PRH1: variants seen among roughly 807,000 people sequenced by gnomAD.
PRH1 encodes proline rich protein HaeIII subfamily 1.
A neutral mutation model predicts 7.9 loss-of-function variants in PRH1; 7 were observed. The observed-to-expected ratio is 0.89, with a 90% CI of 0.50 to 1.67. The LOEUF is 1.67. Among genes scored for constraint, PRH1 ranks in the 40% most tolerant of loss-of-function variants. The pLI, the probability that PRH1 is intolerant of heterozygous loss-of-function variation, is 0.00. For missense variants in PRH1, 109 were observed against 223.6 expected (o/e 0.49, Z 3.27); for synonymous variants, 45 against 80.8 (o/e 0.56, Z 2.38).
At chr12:10,881,738 G>A (rs1949403836) in intron 3 of PRH1, among the ~76,000 whole-genome samples, 2 of 152,160 alleles carry the variant, frequency 1.3e-5, no homozygotes, top group Non-Finnish European at 2.9e-5. Flanking sequence ...AGTGAGATTA[G>A]TTTTTGTTAG....
chr12:11,041,203 C>T (rs1206670566), intron 1 of PRH1, among the ~76,000 whole-genome samples: 1 of 148,326 alleles, frequency 6.7e-6, no homozygotes, highest in African/African-American at 2.5e-5. Flanking sequence ...CAATCTGTTG[C>T]CTCTAAGAAA....
intron 1 of PRH1, among the ~76,000 whole-genome samples, chr12:11,044,261 C>T (rs192489184): frequency 6.6e-5 from 10 of 152,126 alleles, no homozygotes; most frequent in Non-Finnish European, 1.3e-4. Flanking sequence ...GAAACTAGTC[C>T]CATATATCTA....
intron 2 of PRH1, among the ~76,000 whole-genome samples, chr12:10,898,045 C>G (rs1163382944): frequency 6.6e-6 from 1 of 152,136 alleles, no homozygotes. Context: ...GTCTGTTTTT[C>G]TCTTCTATCC....
At chr12:11,000,963 GT>G (rs762814389) in intron 1 of PRH1, among the ~76,000 whole-genome samples, 1 of 151,658 alleles carries the variant, frequency 6.6e-6, no homozygotes, top group Non-Finnish European at 1.5e-5. Context: ...TTACCACCAA[GT>G]TTTTTAAAAA....
In PRH1 at chr12:11,129,477, T is replaced by C. The variant is rs536177202; in HGVS notation, n.40-8297A>G. Among the ~76,000 whole-genome samples, 45 of 152,420 alleles carry C rather than the reference T, an allele frequency of 3.0e-4. 1 individual carries two copies. The highest frequency in any genetic ancestry group is 2.3e-3 in the Admixed American group (35 of 15,312). On this transcript the variant is annotated intron_variant and non_coding_transcript_variant, in intron 1 of 1. Coordinates refer to the PRH1 transcript ENST00000541175. ...AACCGCATTCCCTAAGGAATGGAAC[T>C]GGTCACTGTCATGACAAAACACCTG...
intron 2 of PRH1, chr12:10,929,142 C>A: frequency 9.3e-7 from 1 of 1,079,222 alleles, no homozygotes; most frequent in Non-Finnish European, 1.4e-6. Flanking sequence ...CAAAGCAGAA[C>A]CCAGTCTCTG....
rs935318395 is a variant in PRH1 at position 10,991,022 on chromosome 12, T to A, written c.-125-17301A>T. On this transcript the variant is annotated intron_variant, in intron 1 of 3. Transcript: ENST00000539853. The stretch of plus-strand genomic sequence containing the variant: ...GTTAGTTCAAGTTCTTGTTACGACA[T>A]CCAAATGAAGATGTCAAATGACTTC... Among the ~76,000 whole-genome samples, 3 of 152,188 alleles carry A rather than the reference T, an allele frequency of 2.0e-5. No homozygotes were observed. The South Asian group carries it at 6.2e-4, about 32-fold the overall frequency.
At chr12:11,031,834 T>G (rs575507084) in intron 1 of PRH1, among the ~76,000 whole-genome samples, 4 of 152,302 alleles carry the variant, frequency 2.6e-5, no homozygotes, top group Non-Finnish European at 5.9e-5. Context: ...AAGTCCCCAC[T>G]CGATTCAGAA....
At chr12:10,925,186 T>C (rs1950107381) in intron 2 of PRH1, among the ~76,000 whole-genome samples, 1 of 152,212 alleles carries the variant, frequency 6.6e-6, no homozygotes. Flanking sequence ...CTCACCCTTT[T>C]GTGTCCACAC....
chr12:10,952,316 G>T (rs937023508), intron 2 of PRH1, among the ~76,000 whole-genome samples: 9 of 152,126 alleles, frequency 5.9e-5, no homozygotes, highest in Non-Finnish European at 1.0e-4. Context: ...CAAGCAATAA[G>T]GACCACCTGA....
intron 2 of PRH1, among the ~76,000 whole-genome samples, chr12:10,950,508 T>G (rs1950554181): frequency 6.6e-6 from 1 of 151,870 alleles, no homozygotes; most frequent in African/African-American, 2.4e-5. Flanking sequence ...TTTTTCATTC[T>G]ACGACTCTGA....
At chr12:11,126,544 T>C (rs1456590411) in intron 1 of PRH1, among the ~76,000 whole-genome samples, 1 of 152,228 alleles carries the variant, frequency 6.6e-6, no homozygotes, top group Admixed American at 6.5e-5. Flanking sequence ...TTTGACAGAC[T>C]TGTCAACTTT....
intron 2 of PRH1, among the ~76,000 whole-genome samples, chr12:10,962,222 TA>T (rs1448926318): frequency 1.3e-5 from 2 of 152,202 alleles, no homozygotes; most frequent in Admixed American, 6.5e-5. Context: ...GAAAGGATAT[TA>T]AAAATATTAT....
At chr12:10,929,198 C>G (rs1157885250) in intron 2 of PRH1, 5 of 1,605,228 alleles carry the variant, frequency 3.1e-6, no homozygotes, top group Non-Finnish European at 4.3e-6. Flanking sequence ...CGCCATTGTC[C>G]TGCTTGTCTT....
At chr12:11,026,018 C>T (rs941578270) in intron 1 of PRH1, among the ~76,000 whole-genome samples, 6 of 56,552 alleles carry the variant, frequency 1.1e-4, no homozygotes, top group East Asian at 8.9e-4. Context: ...TTTAAGATAC[C>T]GGTGAGAACT....
chr12:11,083,765 GT>G (rs1328581437), intron 1 of PRH1, among the ~76,000 whole-genome samples: 57 of 152,372 alleles, frequency 3.7e-4, no homozygotes, highest in African/African-American at 1.3e-3. Flanking sequence ...CACCACCAGT[GT>G]AATAAATTTC....
intron 1 of PRH1, among the ~76,000 whole-genome samples, chr12:10,989,317 T>C (rs531566391): frequency 2.0e-5 from 3 of 152,334 alleles, no homozygotes; most frequent in South Asian, 4.1e-4. Context: ...TATTATTCCA[T>C]TGTATGAATG....
chr12:10,884,631 G>C (rs1949462587), upstream of PRH1, among the ~76,000 whole-genome samples: 1 of 152,144 alleles, frequency 6.6e-6, no homozygotes, highest in African/African-American at 2.4e-5. Context: ...GTGTCGGGGG[G>C]TGGACACTGA....
At chr12:10,883,610 T>C (rs1188213433) in intron 1 of PRH1, among the ~76,000 whole-genome samples, 5 of 152,218 alleles carry the variant, frequency 3.3e-5, no homozygotes, top group Non-Finnish European at 7.3e-5. Context: ...CACTTGGATA[T>C]AATCTTACGC....
Sources: gnomAD v4.1 joint callset for allele counts (sites outside exome capture counted in the v4.1 genomes callset) on GRCh38, gnomAD v4.1.1 for gene constraint, MANE v1.5 for transcripts, NCBI Gene and HGNC (gene_info 2026-07-23, HGNC 2026-07-21) for gene names.